The following SLC7A13 variants were observed in gnomAD, a reference collection of about 807,000 sequenced individuals.
SLC7A13 encodes the protein solute carrier family 7 member 13, also known as X-amino acid transporter 2.
SLC7A13 carries 31 observed loss-of-function variants against 32.0 expected under a neutral mutation model. The observed-to-expected ratio is 0.97, with a 90% CI of 0.73 to 1.31. The LOEUF is 1.31. Ranked by LOEUF, SLC7A13 falls within the 50% of genes most tolerant of loss-of-function variation. The pLI is 0.00. For missense variants in SLC7A13, 633 were observed against 546.9 expected (o/e 1.16, Z -1.57); for synonymous variants, 232 against 206.9 (o/e 1.12, Z -1.04).
At chr8:86,225,015 C>T (rs1820366104) in intron 1 of SLC7A13, among the ~76,000 whole-genome samples, 1 of 151,998 alleles carries the variant, frequency 6.6e-6, no homozygotes, top group Non-Finnish European at 1.5e-5. Context: ...ACGTGAGTCA[C>T]CATGTCCAGT....
chr8:86,217,292 T>C (rs1820199917), intron 3 of SLC7A13, among the ~76,000 whole-genome samples, 178 bp downstream of exon 3: 1 of 152,180 alleles, frequency 6.6e-6, no homozygotes. Flanking sequence ...GATTTTTATA[T>C]TGAATAACCT....
chr8:86,216,507 A>G (rs936987983), intron 3 of SLC7A13, among the ~76,000 whole-genome samples: 1 of 152,216 alleles, frequency 6.6e-6, no homozygotes, highest in African/African-American at 2.4e-5. Flanking sequence ...CTTCTTGACA[A>G]CTAATACTCA....
chr8:86,223,633 T>C (rs540524190), intron 1 of SLC7A13, among the ~76,000 whole-genome samples: 1 of 152,214 alleles, frequency 6.6e-6, no homozygotes, highest in African/African-American at 2.4e-5. Flanking sequence ...GATTGTTGGA[T>C]CAAATTGTAG....
intron 1 of SLC7A13, among the ~76,000 whole-genome samples, chr8:86,228,326 C>T (rs967069369): frequency 9.2e-5 from 14 of 151,842 alleles, no homozygotes; most frequent in Non-Finnish European, 1.3e-4. Context: ...TTTCGGGCTC[C>T]TATAATCCTG....
chr8:86,223,149 C>A, intron 1 of SLC7A13, 46 bp from the exon 2 acceptor site: 1 of 1,497,196 alleles, frequency 6.7e-7, no homozygotes. Context: ...AACATTATTT[C>A]TAAAATTCAT....
chr8:86,215,438 A>ACC, intron 3 of SLC7A13: 1 of 204,402 alleles, frequency 4.9e-6, no homozygotes, highest in East Asian at 1.7e-4. Flanking sequence ...CTATAATCCC[A>ACC]ACACTTTGTG....
intron 1 of SLC7A13, among the ~76,000 whole-genome samples, chr8:86,225,867 G>A (rs775063854): frequency 6.6e-6 from 1 of 152,078 alleles, no homozygotes; most frequent in Non-Finnish European, 1.5e-5. Context: ...GAAGGTCAAG[G>A]CTGCAGTGAA....
chr8:86,229,470 G>T, intron 1 of SLC7A13, 123 bp downstream of exon 1: 1 of 952,436 alleles, frequency 1.0e-6, no homozygotes, highest in Non-Finnish European at 1.5e-6. Flanking sequence ...ATCTGATTCA[G>T]AAAGTCACAA....
rs2129815130 is a variant in SLC7A13, at chr8:86,229,959, C to A, written c.319G>T (p.Val107Leu). 6.2e-7 allele frequency: 1 copy of A among 1,614,212 alleles called. No homozygotes were observed. Among genetic ancestry groups the A allele is most frequent in the Non-Finnish European group, 8.5e-7 (1 of 1,180,034 alleles). ...LWTSLFLGSGVVAGQALLLAE... is the reference protein window; with the variant it reads ...LWTSLFLGSGLVAGQALLLAE... Reference sequence around the variant, plus strand: ...AGGAGCAGAGCTTGGCCAGCAACTACCCCTGACCCCAGAAACAAGGATGTC... The same window carrying A: ...AGGAGCAGAGCTTGGCCAGCAACTAACCCTGACCCCAGAAACAAGGATGTC... Residue 107 changes from valine (V) to leucine (L), a missense_variant, in exon 1 of 4, where the codon GTA becomes TTA. Transcript: ENST00000297524.
intron 2 of SLC7A13, among the ~76,000 whole-genome samples, chr8:86,220,548 C>T (rs1449499649): frequency 1.3e-5 from 2 of 152,142 alleles, no homozygotes; most frequent in Admixed American, 6.6e-5. Flanking sequence ...TAATATTTAT[C>T]GCAGCCTGGT....
In SLC7A13 at chr8:86,217,774, G is replaced by A. The variant is rs1219958885; in HGVS notation, c.875C>T (p.Pro292Leu). The change falls in exon 3 of 4, where the codon CCT becomes CTT. Residue 292 changes from proline to leucine, a missense_variant. Pro to Leu is a moderately conservative substitution (Grantham distance 98, BLOSUM62 -3). Transcript: ENST00000297524. ...AAATAATGAGGTAGAAATAGCAAAAGGCATAATCCATGCTAATGAGGGAAA... is the reference window on the plus strand; with the variant it reads ...AAATAATGAGGTAGAAATAGCAAAAAGCATAATCCATGCTAATGAGGGAAA... ...RAFPSLAWIM[P>L]FAISTSLFSN... 1 of 1,611,794 alleles carries A rather than the reference G, an allele frequency of 6.2e-7. No individual in the cohort carries two copies. Among genetic ancestry groups the A allele is most frequent in the Admixed American group, 1.7e-5 (1 of 59,638 alleles).
intron 3 of SLC7A13, among the ~76,000 whole-genome samples, chr8:86,216,036 G>A (rs979685719): frequency 6.6e-6 from 1 of 152,118 alleles, no homozygotes; most frequent in African/African-American, 2.4e-5. Flanking sequence ...GAGGTTCAGA[G>A]GTTCAATAAC....
chr8:86,220,304 TCA>T (rs1458573691), intron 2 of SLC7A13, among the ~76,000 whole-genome samples: 1 of 152,138 alleles, frequency 6.6e-6, no homozygotes, highest in Non-Finnish European at 1.5e-5. Flanking sequence ...AATGAAATCC[TCA>T]GTTTTCAAAG....
rs1251427353 is a variant in SLC7A13, at chr8:86,230,129, A to G, written c.149T>C (p.Leu50Pro). Residue 50 changes from leucine (L) to proline (P), a missense_variant, in exon 1 of 4, where the codon CTG (leucine) becomes CCG (proline). Physicochemically the swap from Leu to Pro is moderately conservative, Grantham distance 98. Transcript: ENST00000297524. ...TATGGCACAGCCAGCCCAAACGCACAGGGAGACTCCCACGTTCATGCAAGA... is the reference window on the plus strand; with the variant it reads ...TATGGCACAGCCAGCCCAAACGCACGGGGAGACTCCCACGTTCATGCAAGA... ...AYSCMNVGVSLCVWAGCAILA... is the reference protein window; with the variant it reads ...AYSCMNVGVSPCVWAGCAILA... The G allele has an allele frequency of 6.2e-7, 1 of 1,614,080 alleles. No homozygotes were observed. Among genetic ancestry groups the G allele is most frequent in the Admixed American group, 1.7e-5 (1 of 59,992 alleles).
intron 2 of SLC7A13, among the ~76,000 whole-genome samples, chr8:86,219,569 A>C (rs977268037): frequency 5.9e-5 from 9 of 152,180 alleles, no homozygotes; most frequent in Non-Finnish European, 1.0e-4. Flanking sequence ...TACCATTAAC[A>C]GCTGTTTGGA....
At chr8:86,216,857 C>T (rs1820189386) in intron 3 of SLC7A13, among the ~76,000 whole-genome samples, 1 of 152,156 alleles carries the variant, frequency 6.6e-6, no homozygotes, top group African/African-American at 2.4e-5. Context: ...CCTACCTAGG[C>T]AACTAAGATT....
chr8:86,217,075 G>C (rs539166267), intron 3 of SLC7A13, among the ~76,000 whole-genome samples: 2 of 152,298 alleles, frequency 1.3e-5, no homozygotes, highest in African/African-American at 2.4e-5. Flanking sequence ...TGATGTTTCA[G>C]AACAGTAGAT....
In SLC7A13 at chr8:86,230,311, T is replaced by A; in HGVS notation, c.-34A>T. The A allele has an allele frequency of 6.7e-7, 1 of 1,489,014 alleles. No individual in the cohort carries two copies. Among genetic ancestry groups the A allele is most frequent in the Non-Finnish European group, 9.0e-7 (1 of 1,117,094 alleles). The allele number at this position is 1,489,014 out of a possible 1,614,324, so 92.2% of individuals were successfully genotyped here. On this transcript the variant is annotated 5_prime_UTR_variant, in exon 1 of 4. Transcript: ENST00000297524. ...AAGAGTTTTAAAATTCTATATAAAT[T>A]ACAATTTCTAGATTTTCCTGCCTAT...
Position 86,230,283 on chromosome 8 carries a change from T to C in SLC7A13, c.-6A>G, listed in dbSNP as rs368596442. ...ATTTTCTCCCCTCTATCCATTGTAA[T>C]TGAAGAGTTTTAAAATTCTATATAA... On this transcript the variant is annotated 5_prime_UTR_variant, in exon 1 of 4. Transcript: ENST00000297524. The C allele has an allele frequency of 2.6e-6, 4 of 1,538,072 alleles. No homozygotes were observed. The highest frequency in any genetic ancestry group is 1.4e-5 in the African/African-American group (1 of 71,970).
Sources: allele counts gnomAD v4.1 joint callset (sites outside exome capture counted in the v4.1 genomes callset), GRCh38; gene constraint gnomAD v4.1.1; transcripts MANE v1.5; gene names NCBI Gene and HGNC (gene_info 2026-07-23, HGNC 2026-07-21).